The following CCDC88A variants were observed in gnomAD, a reference collection of about 807,000 sequenced individuals.
CCDC88A encodes girdin.
CCDC88A carries 54 observed loss-of-function variants against 234.3 expected under a neutral mutation model. That is an observed-to-expected ratio of 0.23 (90% confidence interval 0.19 to 0.29). CCDC88A has a LOEUF of 0.29. CCDC88A is among the 10% of genes least tolerant of loss of function. CCDC88A has a pLI of 1.00. For missense variants in CCDC88A, 1,832 were observed against 2,123.4 expected (o/e 0.86, Z 2.70); for synonymous variants, 753 against 737.8 (o/e 1.02, Z -0.33).
intron 3 of CCDC88A, among the ~76,000 whole-genome samples, chr2:55,382,055 A>C (rs111557262): frequency 0.016 from 2,438 of 152,296 alleles, 75 homozygotes; most frequent in African/African-American, 0.056. Context: ...GGAAAAATTA[A>C]ATCAATGGCA....
intron 9 of CCDC88A, among the ~76,000 whole-genome samples, chr2:55,347,463 T>A (rs945006210): frequency 2.0e-5 from 3 of 152,146 alleles, no homozygotes; most frequent in Non-Finnish European, 4.4e-5. Context: ...GAAACAGCTA[T>A]GAGAATATAG....
chr2:55,326,980 A>G (rs1291053042), intron 17 of CCDC88A, among the ~76,000 whole-genome samples: 1 of 152,232 alleles, frequency 6.6e-6, no homozygotes, highest in East Asian at 1.9e-4. Flanking sequence ...TTTGCAACTC[A>G]GTGATACTGC....
chr2:55,408,698 C>T lies in CCDC88A; in HGVS notation c.164+10118G>A, dbSNP rs191136973. On this transcript the variant is annotated intron_variant, in intron 2 of 32. Coordinates refer to ENST00000436346, the MANE Select transcript of CCDC88A (RefSeq NM_001365480.1). ...AACCACAAAAATGGGCAATCAGCAGCCCTCATGGCTGCTCTGCCTGTGGAG... is the reference window on the plus strand; with the variant it reads ...AACCACAAAAATGGGCAATCAGCAGTCCTCATGGCTGCTCTGCCTGTGGAG... Among the ~76,000 whole-genome samples, 7 of 152,304 alleles carry T rather than the reference C, an allele frequency of 4.6e-5. No homozygotes were observed. The East Asian group carries it at 1.3e-3, about 29-fold the overall frequency.
At chr2:55,294,031 T>G (rs1679747445) in intron 31 of CCDC88A, 1 of 154,602 alleles carries the variant, frequency 6.5e-6, no homozygotes. Context: ...TTTAGTGTGA[T>G]TATTCATTTA....
At chr2:55,349,746 G>C in intron 8 of CCDC88A, 147 bp from the exon 9 acceptor site, 2 of 508,378 alleles carry the variant, frequency 3.9e-6, no homozygotes, top group Non-Finnish European at 6.8e-6. Context: ...AAAAAAAAAA[G>C]ATAGATATTA....
chr2:55,318,713 T>A, intron 19 of CCDC88A, 130 bp downstream of exon 19: 1 of 682,142 alleles, frequency 1.5e-6, no homozygotes, highest in East Asian at 2.9e-5. Context: ...GGCATGGCAC[T>A]AAATAAAAAT....
At chr2:55,343,055 G>A (rs1668700830) in intron 12 of CCDC88A, among the ~76,000 whole-genome samples, 1 of 152,096 alleles carries the variant, frequency 6.6e-6, no homozygotes. Context: ...CTTTAAGAAA[G>A]AGGACAAGTC....
At chr2:55,295,312 T>G in intron 31 of CCDC88A, 1 of 1,458,758 alleles carries the variant, frequency 6.9e-7, no homozygotes, top group Non-Finnish European at 9.2e-7. Context: ...AACCCACTTA[T>G]GTTACTAACT....
intron 7 of CCDC88A, among the ~76,000 whole-genome samples, chr2:55,359,352 T>C (rs1464195930): frequency 1.3e-5 from 2 of 151,922 alleles, no homozygotes; most frequent in African/African-American, 4.8e-5. Flanking sequence ...GAACTACATA[T>C]TACAAAATAT....
chr2:55,297,344 A>ATATT, intron 29 of CCDC88A, among the ~76,000 whole-genome samples: 1 of 106,064 alleles, frequency 9.4e-6, no homozygotes, highest in Non-Finnish European at 1.7e-5. Context: ...ATAAATTTAT[A>ATATT]TATTATATAT....
intron 16 of CCDC88A, chr2:55,330,124 T>C (rs1684743354): frequency 6.6e-6 from 1 of 152,144 alleles, no homozygotes; most frequent in Non-Finnish European, 1.5e-5. Flanking sequence ...AAACTATATA[T>C]TCCTTGATGG....
intron 21 of CCDC88A, among the ~76,000 whole-genome samples, chr2:55,316,623 T>G (rs916961117): frequency 2.0e-5 from 3 of 152,190 alleles, no homozygotes; most frequent in Non-Finnish European, 2.9e-5. Context: ...CAGTTCCAGC[T>G]ACCTGAGGGG....
intron 5 of CCDC88A, among the ~76,000 whole-genome samples, chr2:55,371,115 T>C (rs1272674838): frequency 6.6e-6 from 1 of 152,208 alleles, no homozygotes; most frequent in Admixed American, 6.5e-5. Flanking sequence ...GCTATTGCTA[T>C]GTAATCTAAA....
intron 8 of CCDC88A, 197 bp downstream of exon 8, chr2:55,355,382 T>C (rs1670432179): frequency 3.8e-6 from 2 of 531,064 alleles, no homozygotes; most frequent in Admixed American, 3.5e-5. Context: ...AGAAAGGCCA[T>C]AAATCCAGAA....
At chr2:55,336,207 T>C (rs866467212) in intron 14 of CCDC88A, among the ~76,000 whole-genome samples, 64 of 152,094 alleles carry the variant, frequency 4.2e-4, no homozygotes, top group Middle Eastern at 3.4e-3. Context: ...TAAATAAATA[T>C]TTCAAAAATA....
At chr2:55,295,483 G>C (rs762583583) in intron 31 of CCDC88A, 114 bp downstream of exon 31, 1 of 1,591,338 alleles carries the variant, frequency 6.3e-7, no homozygotes. Context: ...TTTCTAGCCT[G>C]GGCATATAGA....
chr2:55,309,529 C>T lies in CCDC88A; in HGVS notation c.4080-275G>A, dbSNP rs950101687. On this transcript the variant is annotated intron_variant, in intron 23 of 32. Transcript: ENST00000436346. The surrounding 1 kb of genome is among the most constrained non-coding windows in gnomAD (Gnocchi z 5.1). ...ATTAAAACATTGTTTAGTTTGCTTA[C>T]AATTATAGATATAATAAATAATCCT... Among the ~76,000 whole-genome samples the T allele has an allele frequency of 6.6e-6, 1 of 152,032 alleles. No individual in the cohort carries two copies. Among genetic ancestry groups the T allele is most frequent in the Non-Finnish European group, 1.5e-5 (1 of 67,996 alleles).
intron 11 of CCDC88A, chr2:55,344,146 AG>A (rs2104722606): frequency 2.7e-6 from 1 of 376,494 alleles, no homozygotes; most frequent in Admixed American, 4.3e-5. Context: ...TGGTATTAAA[AG>A]GTTGAAGACA....
rs1004204598 is a variant in CCDC88A at position 55,290,361 on chromosome 2, A to G, written c.*839T>C. 32 of 152,232 alleles carry G rather than the reference A, an allele frequency of 2.1e-4. No individual in the cohort carries two copies. Among genetic ancestry groups the G allele is most frequent in the African/African-American group, 7.7e-4 (32 of 41,578 alleles). 9.4% of individuals were successfully genotyped at this position (152,232 alleles called of 1,614,324 possible). ...AAGTTAAAAAAATGCACACGCATAC[A>G]TAACCCAATACCAAAGAAAAGAAAT... On this transcript the variant is annotated 3_prime_UTR_variant, in exon 33 of 33. Transcript: ENST00000436346.
Sources: gnomAD v4.1 joint callset for allele counts (sites outside exome capture counted in the v4.1 genomes callset) on GRCh38, gnomAD v4.1.1 for gene constraint, Gnocchi (gnomAD v3.1) non-coding constraint, MANE v1.5 for transcripts, NCBI Gene and HGNC (gene_info 2026-07-23, HGNC 2026-07-21) for gene names.